The following EIF4G3 variants were observed in gnomAD, a reference collection of about 807,000 sequenced individuals.
EIF4G3 encodes the protein eukaryotic translation initiation factor 4 gamma 3.
In EIF4G3, 34 loss-of-function variants were observed where a neutral mutation model predicts 186.4. That is an observed-to-expected ratio of 0.18 (90% CI 0.14 to 0.24). The LOEUF is 0.24. Among genes scored for constraint, EIF4G3 ranks in the 10% least tolerant of loss-of-function variants. The pLI is 1.00. For synonymous variants in EIF4G3, 673 were observed against 679.5 expected (o/e 0.99, Z 0.15); for missense variants, 1,536 against 1,948.5 (o/e 0.79, Z 3.99).
intron 13 of EIF4G3, among the ~76,000 whole-genome samples, chr1:20,943,971 TTTTTGTGTGTG>T (rs2095825915): frequency 5.4e-5 from 1 of 18,604 alleles, no homozygotes; most frequent in African/African-American, 1.7e-4. Flanking sequence ...GTCTTTATTT[TTTTTGTGTGTG>T]TGTGTGTGTG....
chr1:21,059,435 C>T (rs984955959), intron 3 of EIF4G3, among the ~76,000 whole-genome samples: 8 of 151,916 alleles, frequency 5.3e-5, no homozygotes, highest in African/African-American at 1.5e-4. Flanking sequence ...TAAATAAAAG[C>T]TGGTCTGCTC....
intron 24 of EIF4G3, among the ~76,000 whole-genome samples, chr1:20,858,874 G>A (rs1571777304): frequency 6.6e-6 from 1 of 152,260 alleles, no homozygotes; most frequent in South Asian, 2.1e-4. Context: ...GTGGGCGCCT[G>A]TAATCCCAGC....
chr1:21,086,197 CTCT>C (rs1242818184), intron 3 of EIF4G3, among the ~76,000 whole-genome samples: 4 of 78,554 alleles, frequency 5.1e-5, no homozygotes, highest in Admixed American at 2.0e-4. Context: ...CTACATGATA[CTCT>C]TTTTTTTTTT....
At chr1:20,961,556 G>A (rs1405866365) in intron 12 of EIF4G3, among the ~76,000 whole-genome samples, 2 of 151,988 alleles carry the variant, frequency 1.3e-5, no homozygotes, top group South Asian at 2.1e-4. Flanking sequence ...ATGGATTATC[G>A]TAAACTATAG....
At position 20,952,128 on chromosome 1, in the gene EIF4G3, A is replaced by G. The variant is rs559762353; in HGVS notation, c.715-2017T>C. On this transcript the variant is annotated intron_variant, in intron 12 of 36. Transcript: ENST00000602326. ...AGCCTCCAACAGTACTAATAAAATC[A>G]TAACGTATTAACATATAATTCAACA... Among the ~76,000 whole-genome samples the G allele has an allele frequency of 4.0e-5, 6 of 151,494 alleles. No individual in the cohort carries two copies. The East Asian group carries it at 1.2e-3, about 30-fold the overall frequency.
At chr1:20,934,431 C>T (rs188974789) in intron 14 of EIF4G3, among the ~76,000 whole-genome samples, 30 of 151,872 alleles carry the variant, frequency 2.0e-4, no homozygotes, top group Admixed American at 1.8e-3. Flanking sequence ...TGAATACATA[C>T]GAGACTGTAA....
chr1:21,170,035 C>T (rs1371530265), intron 2 of EIF4G3, among the ~76,000 whole-genome samples: 1 of 151,958 alleles, frequency 6.6e-6, no homozygotes, highest in African/African-American at 2.4e-5. Flanking sequence ...ATTAGCCAGG[C>T]GTGGTGGTGC....
At chr1:20,966,688 G>A (rs1244118880) in intron 12 of EIF4G3, among the ~76,000 whole-genome samples, 2 of 151,938 alleles carry the variant, frequency 1.3e-5, no homozygotes, top group African/African-American at 4.8e-5. Flanking sequence ...TGGCTAGGGT[G>A]GTTTCGAACT....
Position 20,942,158 on chromosome 1 carries a change from T to G in EIF4G3, c.996A>C (p.Arg332=). The change falls in exon 14 of 37, where the codon CGA becomes CGC. Residue 332 remains arginine (R), a synonymous_variant. Transcript: ENST00000602326. The stretch of plus-strand genomic sequence containing the variant: ...AAGAGGTGGGGGCTGCAATTGTACT[T>G]CGAGCAACAGAAGAAACAGTGGTAG... ...PSPTTVSSVA[R]STIAAPTSSA... 1.2e-6 allele frequency: 2 copies of G among 1,614,126 alleles called. No homozygotes were observed. The highest frequency in any genetic ancestry group is 2.7e-5 in the African/African-American group (2 of 75,036).
At chr1:21,096,185 T>C (rs527290058) in intron 2 of EIF4G3, among the ~76,000 whole-genome samples, 3 of 152,296 alleles carry the variant, frequency 2.0e-5, no homozygotes, top group African/African-American at 7.2e-5. Context: ...AGATGTAGTA[T>C]ATATACACAA....
chr1:20,993,896 A>C (rs1181282456), intron 7 of EIF4G3, among the ~76,000 whole-genome samples: 1 of 152,174 alleles, frequency 6.6e-6, no homozygotes, highest in Non-Finnish European at 1.5e-5. Context: ...TCATTATGCA[A>C]GTCTCTATGT....
intron 14 of EIF4G3, among the ~76,000 whole-genome samples, chr1:20,924,773 G>C (rs1044862377): frequency 2.0e-5 from 3 of 152,164 alleles, no homozygotes; most frequent in African/African-American, 7.2e-5. Context: ...TGTTGGCCAG[G>C]CTGGTCTCGA....
intron 4 of EIF4G3, among the ~76,000 whole-genome samples, chr1:21,035,610 C>A (rs892235180): frequency 1.4e-4 from 21 of 152,242 alleles, no homozygotes; most frequent in African/African-American, 5.1e-4. Context: ...GGGTCCCTTC[C>A]AGCTTGGCCC....
chr1:21,157,385 T>A lies in EIF4G3; in HGVS notation c.-272+18790A>T, dbSNP rs191337442. On this transcript the variant is annotated intron_variant, in intron 2 of 36. Transcript: ENST00000602326. ...TAGTTTTTTTTTGTTTGTTTTTTTT[T>A]AAGAGAAGATCTTGCTCTCTTTCTT... 3.1e-3 allele frequency among the ~76,000 whole-genome samples: 475 copies of A among 152,288 alleles called. 3 individuals carry two copies. The highest frequency in any genetic ancestry group is 0.011 in the African/African-American group (459 of 41,568).
intron 18 of EIF4G3, chr1:20,892,660 G>C (rs756914929): frequency 2.6e-6 from 4 of 1,536,014 alleles, no homozygotes. Flanking sequence ...GACATCACCA[G>C]TGGAGGGCAA....
chr1:21,048,696 C>T (rs2094033223), intron 4 of EIF4G3, among the ~76,000 whole-genome samples: 1 of 152,084 alleles, frequency 6.6e-6, no homozygotes, highest in Non-Finnish European at 1.5e-5. Flanking sequence ...TCCCTCGGCA[C>T]CCTAGAGGGC....
intron 3 of EIF4G3, among the ~76,000 whole-genome samples, chr1:21,085,160 A>C (rs2095920659): frequency 6.6e-6 from 1 of 151,982 alleles, no homozygotes; most frequent in Non-Finnish European, 1.5e-5. Flanking sequence ...GCTACACTCC[A>C]AAAATGGTTA....
At chr1:20,953,562 G>A (rs1279109192) in intron 12 of EIF4G3, among the ~76,000 whole-genome samples, 1 of 152,138 alleles carries the variant, frequency 6.6e-6, no homozygotes, top group Non-Finnish European at 1.5e-5. Flanking sequence ...ACAGGCAACA[G>A]AATCTAAATT....
intron 18 of EIF4G3, among the ~76,000 whole-genome samples, chr1:20,887,362 G>A (rs571035368): frequency 1.3e-5 from 2 of 151,908 alleles, no homozygotes; most frequent in South Asian, 2.1e-4. Flanking sequence ...TTCATTTAAC[G>A]CTTCAGAGAA....
Sources: allele counts gnomAD v4.1 joint callset (sites outside exome capture counted in the v4.1 genomes callset), GRCh38; gene constraint gnomAD v4.1.1; transcripts MANE v1.5; gene names NCBI Gene and HGNC (gene_info 2026-07-23, HGNC 2026-07-21).